The following ZNF420 variants were observed in gnomAD, a reference collection of about 807,000 sequenced individuals.
ZNF420 encodes the protein zinc finger protein 420, also known as ATM and p53-associated KZNF protein.
A neutral mutation model predicts 44.7 loss-of-function variants in ZNF420; 31 were observed. The ratio of observed to expected loss-of-function variants is 0.69; its 90% CI spans 0.52 to 0.94. The LOEUF (loss-of-function observed/expected upper bound fraction) is 0.94, where lower values mean the gene tolerates loss of function less well. ZNF420 is among the 40% of genes least tolerant of loss of function. The probability of loss-of-function intolerance (pLI) is 0.00; values close to 1 mark genes in which losing one functional copy is unlikely to be tolerated. For synonymous variants in ZNF420, 245 were observed against 267.4 expected (o/e 0.92, Z 0.82); for missense variants, 681 against 827.9 (o/e 0.82, Z 2.18).
rs139602090 is a variant in ZNF420, at chr19:37,089,014, C to T, written c.-80-25C>T. On this transcript the variant is annotated intron_variant, in intron 2 of 4. Transcript: ENST00000337995. ...TGTTACTTTGCAAAACACCTGGTCT[C>T]ATGGTTCTGCTTTCTCCTCCGTAGC... 23 of 1,003,424 alleles carry T rather than the reference C, an allele frequency of 2.3e-5. No individual in the cohort carries two copies. The East Asian group carries it at 3.1e-4, about 14-fold the overall frequency. 62.2% of individuals were successfully genotyped at this position (1,003,424 alleles called of 1,614,324 possible).
chr19:37,014,770 G>A (rs1182842279), intron 1 of ZNF420, among the ~76,000 whole-genome samples: 1 of 152,200 alleles, frequency 6.6e-6, no homozygotes, highest in Non-Finnish European at 1.5e-5. Context: ...CAGAGGCTTG[G>A]CAGATCAGGA....
intron 1 of ZNF420, among the ~76,000 whole-genome samples, chr19:37,071,514 C>T (rs1188548769): frequency 6.6e-6 from 1 of 152,148 alleles, no homozygotes; most frequent in African/African-American, 2.4e-5. Flanking sequence ...TTAATATTTT[C>T]TTTTGGCTGG....
At chr19:37,097,848 T>C (rs1454929125) in intron 4 of ZNF420, among the ~76,000 whole-genome samples, 2 of 152,232 alleles carry the variant, frequency 1.3e-5, no homozygotes, top group Admixed American at 6.5e-5. Context: ...GAGATTGGCT[T>C]CGTTTTCCTA....
At chr19:37,008,440 G>C (rs1279227797) in intron 1 of ZNF420, among the ~76,000 whole-genome samples, 1 of 152,100 alleles carries the variant, frequency 6.6e-6, no homozygotes, top group East Asian at 1.9e-4. Context: ...GAGATGCTTC[G>C]GACCCAGAGG....
Position 37,080,339 on chromosome 19 carries a change from G to C in ZNF420, c.-124-6G>C, listed in dbSNP as rs1279421467. ...TCTCATTCCATTTTTCTTTTTCTGA[G>C]AGTAGAGCCCAGAGGAGAAAGAATG... On this transcript the variant is annotated splice_polypyrimidine_tract_variant and splice_region_variant and intron_variant, in intron 1 of 4. Transcript: ENST00000337995. The C allele has an allele frequency of 1.3e-5, 2 of 152,616 alleles. No homozygotes were observed. 9.5% of individuals were successfully genotyped at this position (152,616 alleles called of 1,614,324 possible).
chr19:37,103,547 G>T (rs552541660), intron 4 of ZNF420, among the ~76,000 whole-genome samples: 2 of 152,294 alleles, frequency 1.3e-5, no homozygotes, highest in African/African-American at 4.8e-5. Context: ...TCCCTGAGCT[G>T]ATCTCACTGA....
intron 4 of ZNF420, among the ~76,000 whole-genome samples, chr19:37,125,420 G>A (rs1470058525): frequency 1.3e-5 from 2 of 152,218 alleles, no homozygotes; most frequent in African/African-American, 4.8e-5. Flanking sequence ...CATAGATTTA[G>A]TATGGAGGTG....
intron 2 of ZNF420, among the ~76,000 whole-genome samples, chr19:37,082,318 A>C (rs552035584): frequency 2.6e-5 from 4 of 152,100 alleles, no homozygotes; most frequent in Admixed American, 6.5e-5. Flanking sequence ...ACACACCACC[A>C]CACCCACCTA....
intron 4 of ZNF420, among the ~76,000 whole-genome samples, chr19:37,120,088 T>C (rs980821322): frequency 2.5e-4 from 38 of 152,062 alleles, no homozygotes; most frequent in Non-Finnish European, 3.7e-4. Flanking sequence ...TTCCAATCAA[T>C]AGAAAAAGAG....
intron 1 of ZNF420, among the ~76,000 whole-genome samples, chr19:37,035,467 G>A (rs1418094484): frequency 6.6e-6 from 1 of 152,158 alleles, no homozygotes; most frequent in Non-Finnish European, 1.5e-5. Flanking sequence ...CCAAAATGCT[G>A]GGATTACAGG....
chr19:37,093,726 A>T (rs1323852977), intron 4 of ZNF420, among the ~76,000 whole-genome samples: 1 of 152,230 alleles, frequency 6.6e-6, no homozygotes, highest in African/African-American at 2.4e-5. Context: ...ACTGCATATT[A>T]TATGATTGCA....
At chr19:37,084,804 T>C (rs1968663730) in intron 2 of ZNF420, among the ~76,000 whole-genome samples, 1 of 152,202 alleles carries the variant, frequency 6.6e-6, no homozygotes, top group African/African-American at 2.4e-5. Flanking sequence ...CCAAAATTAT[T>C]GGCATAGAAT....
At chr19:37,104,672 G>A (rs1456236194) in intron 4 of ZNF420, among the ~76,000 whole-genome samples, 3 of 152,094 alleles carry the variant, frequency 2.0e-5, no homozygotes, top group Non-Finnish European at 2.9e-5. Context: ...TTTAATGATT[G>A]CCATTCTAAG....
At chr19:37,046,146 G>T (rs567353296) in intron 1 of ZNF420, among the ~76,000 whole-genome samples, 1 of 152,308 alleles carries the variant, frequency 6.6e-6, no homozygotes, top group African/African-American at 2.4e-5. Context: ...GCTGAGATTT[G>T]GGTGGGGACA....
In ZNF420 at chr19:37,127,566, A is replaced by AT. The variant is rs747796793; in HGVS notation, c.575_576insT (p.Glu192AspfsTer7). ...CTTCATCAGAGACTTCATACTGGTG[A>AT]GAAACCCTATGCATGTAAGGAATGT... On this transcript the variant is annotated frameshift_variant, in exon 5 of 5. Transcript: ENST00000337995. LOFTEE classifies it high-confidence loss of function. 2 of 1,614,086 alleles carry AT rather than the reference A, an allele frequency of 1.2e-6. No individual in the cohort carries two copies. The highest frequency in any genetic ancestry group is 1.7e-6 in the Non-Finnish European group (2 of 1,179,948).
chr19:37,118,501 G>A (rs1300419659), intron 4 of ZNF420, among the ~76,000 whole-genome samples: 1 of 152,164 alleles, frequency 6.6e-6, no homozygotes, highest in East Asian at 1.9e-4. Context: ...ACCTGTACCA[G>A]CCACTGCAAA....
In ZNF420 at chr19:37,127,994, T is replaced by C. The variant is rs1344039583; in HGVS notation, c.1003T>C (p.Tyr335His). 1 of 1,613,744 alleles carries C rather than the reference T, an allele frequency of 6.2e-7. No individual in the cohort carries two copies. Among genetic ancestry groups the C allele is most frequent in the African/African-American group, 1.3e-5 (1 of 74,826 alleles). The stretch of plus-strand genomic sequence containing the variant: ...GAAAATTCATAATGGGGAAAAACCA[T>C]ATGAATGTAAGGAATGTGGAAGGGC... ...HQKIHNGEKP[Y>H]ECKECGRAFI... The change falls in exon 5 of 5, where the codon TAT (tyrosine) becomes CAT (histidine). Residue 335 changes from tyrosine to histidine, a missense_variant. Coordinates refer to ENST00000337995, the MANE Select transcript of ZNF420 (RefSeq NM_144689.5).
chr19:37,041,310 C>CA (rs369724759), intron 1 of ZNF420, among the ~76,000 whole-genome samples: 67,411 of 132,510 alleles, frequency 0.51, 16,763 homozygotes, highest in African/African-American at 0.6. Context: ...AACACTATCT[C>CA]AAAAAAAAAA....
intron 1 of ZNF420, among the ~76,000 whole-genome samples, chr19:37,031,037 G>A (rs2146396994): frequency 6.6e-6 from 1 of 152,118 alleles, no homozygotes; most frequent in Admixed American, 6.5e-5. Context: ...TGTATTTTTA[G>A]TAGAAACGGG....
Sources: allele counts gnomAD v4.1 joint callset (sites outside exome capture counted in the v4.1 genomes callset), GRCh38; gene constraint gnomAD v4.1.1; transcripts MANE v1.5; gene names NCBI Gene and HGNC (gene_info 2026-07-23, HGNC 2026-07-21).